KYAT3: variants seen among roughly 807,000 people sequenced by gnomAD.
KYAT3 encodes the protein kynurenine--oxoglutarate transaminase 3.
In KYAT3, 50 loss-of-function variants were observed where a neutral mutation model predicts 59.0. The observed-to-expected ratio is 0.85, with a 90% CI of 0.68 to 1.07. KYAT3 has a LOEUF of 1.07. KYAT3 is among the 50% of genes least tolerant of loss of function. KYAT3 has a pLI of 0.00. For synonymous variants in KYAT3, 148 were observed against 177.0 expected (o/e 0.84, Z 1.30); for missense variants, 497 against 533.3 (o/e 0.93, Z 0.67).
At chr1:88,970,513 T>C (rs1676514991) in intron 2 of KYAT3, among the ~76,000 whole-genome samples, 1 of 152,206 alleles carries the variant, frequency 6.6e-6, no homozygotes, top group South Asian at 2.1e-4. Context: ...AGAACTATTA[T>C]ATAATTTTAT....
chr1:88,932,522 C>A (rs570945028), downstream of KYAT3, among the ~76,000 whole-genome samples: 12 of 152,270 alleles, frequency 7.9e-5, no homozygotes, highest in African/African-American at 2.9e-4. Flanking sequence ...AAGACAGGGT[C>A]TTGCTTTGTT....
chr1:88,964,592 A>C, intron 5 of KYAT3: 1 of 426,564 alleles, frequency 2.3e-6, no homozygotes, highest in Non-Finnish European at 4.4e-6. Context: ...GGAACAAAGA[A>C]GTTTTCTGGG....
rs749210335 is a variant in KYAT3, at chr1:88,957,657, C to T, written c.788-2432G>A. On this transcript the variant is annotated intron_variant, in intron 8 of 13. Coordinates refer to ENST00000260508, the MANE Select transcript of KYAT3 (RefSeq NM_001008661.3). ...ATCTAAGTTCAAAATATACATCTTG[C>T]ATATCTTTAGTAAATACTGTTGCAT... Among the ~76,000 whole-genome samples, 128 of 152,158 alleles carry T rather than the reference C, an allele frequency of 8.4e-4. 2 individuals carry two copies. The highest frequency in any genetic ancestry group is 5.9e-4 in the Non-Finnish European group (40 of 68,012).
chr1:88,933,780 G>T (rs1009437716), downstream of KYAT3, among the ~76,000 whole-genome samples: 3 of 152,182 alleles, frequency 2.0e-5, no homozygotes, highest in African/African-American at 7.2e-5. Flanking sequence ...TCCCAGCAAG[G>T]GTGGACAGGC....
chr1:88,943,585 C>T (rs559500229), intron 11 of KYAT3, among the ~76,000 whole-genome samples, 162 bp from the exon 12 acceptor site: 4 of 152,210 alleles, frequency 2.6e-5, no homozygotes, highest in South Asian at 2.1e-4. Flanking sequence ...TCACACTGTA[C>T]GGTGGGGTGG....
At chr1:88,961,098 CT>C in intron 8 of KYAT3, 68 bp downstream of exon 8, 1 of 1,556,330 alleles carries the variant, frequency 6.4e-7, no homozygotes. Flanking sequence ...GTCTGGGATG[CT>C]TTCCAATCAG....
intron 2 of KYAT3, among the ~76,000 whole-genome samples, chr1:88,985,267 G>A (rs1677386236): frequency 6.6e-6 from 1 of 152,188 alleles, no homozygotes; most frequent in Non-Finnish European, 1.5e-5. Flanking sequence ...CATATCAATA[G>A]GCCTGGGGCC....
chr1:88,981,149 T>C (rs1336922986), intron 2 of KYAT3: 2 of 152,196 alleles, frequency 1.3e-5, no homozygotes, highest in African/African-American at 4.8e-5. Context: ...GAAAGCCAAG[T>C]GGCCCAATTG....
chr1:88,973,151 C>G (rs1048171782), intron 2 of KYAT3, among the ~76,000 whole-genome samples: 1 of 152,190 alleles, frequency 6.6e-6, no homozygotes, highest in Non-Finnish European at 1.5e-5. Context: ...CCAAGGAATG[C>G]AGAGATTTCC....
At chr1:88,929,216 G>A in the KYAT3 span, among the ~76,000 whole-genome samples, 1 of 152,084 alleles carries the variant, frequency 6.6e-6, no homozygotes, top group African/African-American at 2.4e-5. Flanking sequence ...GTAAAACCAT[G>A]CAATAGCCCC....
intron 11 of KYAT3, among the ~76,000 whole-genome samples, chr1:88,943,720 G>T (rs1408869104): frequency 2.6e-5 from 4 of 152,096 alleles, no homozygotes; most frequent in Admixed American, 6.5e-5. Context: ...GGCAGAGGAG[G>T]GATGCCTTTC....
chr1:88,973,849 T>C (rs1264126493), intron 2 of KYAT3, among the ~76,000 whole-genome samples: 1 of 152,160 alleles, frequency 6.6e-6, no homozygotes, highest in African/African-American at 2.4e-5. Flanking sequence ...AAAGTTTCAA[T>C]TGTATATATT....
chr1:88,940,677 G>A (rs531366327), intron 13 of KYAT3, among the ~76,000 whole-genome samples: 125 of 152,258 alleles, frequency 8.2e-4, no homozygotes, highest in African/African-American at 2.9e-3. Context: ...CATCTCTTCC[G>A]CATTGCTTCA....
intron 2 of KYAT3, chr1:88,982,476 CAT>C (rs1677141246): frequency 2.7e-6 from 3 of 1,101,850 alleles, no homozygotes; most frequent in Non-Finnish European, 3.8e-6. Flanking sequence ...TAAAATTAAA[CAT>C]GTTTTACTTT....
chr1:88,983,044 G>A (rs1407390478), intron 2 of KYAT3: 5 of 1,612,560 alleles, frequency 3.1e-6, no homozygotes, highest in South Asian at 2.2e-5. Flanking sequence ...CATCTCTATC[G>A]CCATAGCCTC....
At chr1:88,974,176 C>G (rs1220511554) in intron 2 of KYAT3, among the ~76,000 whole-genome samples, 1 of 152,106 alleles carries the variant, frequency 6.6e-6, no homozygotes, top group African/African-American at 2.4e-5. Flanking sequence ...AGTGGGCACC[C>G]TTTTCATGGG....
the KYAT3 span, among the ~76,000 whole-genome samples, chr1:88,925,387 G>C: frequency 2.7e-5 from 4 of 150,462 alleles, no homozygotes; most frequent in African/African-American, 9.8e-5. Flanking sequence ...CTCTGAATCT[G>C]CTTCCTCTGA....
At chr1:88,938,266 CCACT>C (rs1301129536) in intron 13 of KYAT3, among the ~76,000 whole-genome samples, 1 of 152,154 alleles carries the variant, frequency 6.6e-6, no homozygotes, top group African/African-American at 2.4e-5. Context: ...TCTTCCTCAG[CCACT>C]CAGTTTTTCT....
At chr1:88,965,777 TGA>T (rs1402560381) in intron 4 of KYAT3, among the ~76,000 whole-genome samples, 1 of 152,198 alleles carries the variant, frequency 6.6e-6, no homozygotes, top group African/African-American at 2.4e-5. Flanking sequence ...AGTACCATCC[TGA>T]TTTTCTATCC....
Sources: allele counts gnomAD v4.1 joint callset (sites outside exome capture counted in the v4.1 genomes callset), GRCh38; gene constraint gnomAD v4.1.1; transcripts MANE v1.5; gene names NCBI Gene and HGNC (gene_info 2026-07-23, HGNC 2026-07-21).